Variants in EIF4ENIF1 observed in about 807,000 individuals in gnomAD.
The protein encoded by EIF4ENIF1 is eukaryotic translation initiation factor 4E nuclear import factor 1.
In EIF4ENIF1, 23 loss-of-function variants were observed where a neutral mutation model predicts 110.5. That is an observed-to-expected ratio of 0.21 (90% CI 0.15 to 0.29). EIF4ENIF1 has a LOEUF of 0.29. EIF4ENIF1 is among the 10% of genes least tolerant of loss of function. The pLI is 1.00. For missense variants in EIF4ENIF1, 1,031 were observed against 1,221.1 expected (o/e 0.84, Z 2.32); for synonymous variants, 440 against 437.0 (o/e 1.01, Z -0.09).
intron 4 of EIF4ENIF1, among the ~76,000 whole-genome samples, chr22:31,466,308 G>A (rs2051184062): frequency 6.6e-6 from 1 of 152,180 alleles, no homozygotes; most frequent in Non-Finnish European, 1.5e-5. Flanking sequence ...AGCTACTTGG[G>A]AGGCTGAGGC....
In EIF4ENIF1 at chr22:31,444,708, A is replaced by T. The variant is rs2050406993; in HGVS notation, c.1989-18T>A. On this transcript the variant is annotated intron_variant, in intron 14 of 18. Transcript: ENST00000330125. ...GCTGTTGCCTGTGAACAAACCAATT[A>T]TCAGCATGAACCCCAATCTGCTTAA... The T allele has an allele frequency of 6.2e-7, 1 of 1,610,110 alleles. No homozygotes were observed. The highest frequency in any genetic ancestry group is 1.4e-5 in the African/African-American group (1 of 72,508).
downstream of EIF4ENIF1, among the ~76,000 whole-genome samples, chr22:31,439,044 AACTT>A (rs1283203768): frequency 2.0e-5 from 3 of 152,176 alleles, no homozygotes; most frequent in East Asian, 1.9e-4. Context: ...AGAAAAACTT[AACTT>A]ACTTAAACTT....
At chr22:31,486,190 A>G (rs2052015865) in intron 2 of EIF4ENIF1, among the ~76,000 whole-genome samples, 2 of 152,072 alleles carry the variant, frequency 1.3e-5, no homozygotes, top group Admixed American at 6.5e-5. Flanking sequence ...GAATCACTTG[A>G]ACCCCGGAGG....
chr22:31,493,396 G>A (rs987718704), upstream of EIF4ENIF1, among the ~76,000 whole-genome samples: 2 of 151,628 alleles, frequency 1.3e-5, no homozygotes, highest in Admixed American at 6.6e-5. Context: ...TGGCACAATC[G>A]GCTCACTCAA....
In EIF4ENIF1 at chr22:31,447,550, A is replaced by G. The variant is rs1416046348; in HGVS notation, c.1864T>C (p.Leu622=). The G allele has an allele frequency of 2.1e-5, 33 of 1,604,510 alleles. No homozygotes were observed. Among genetic ancestry groups the G allele is most frequent in the Non-Finnish European group, 2.8e-5 (33 of 1,173,800 alleles). ...PITAQMSQLE[L]QQAALEGLAL... is the part of the protein sequence containing the mutation. Reference sequence around the variant, plus strand: ...AGCCCTTCTAAAGCTGCCTGTTGCAACTCCAGCTGGCTCATCTGCTGAAAA... The same window carrying G: ...AGCCCTTCTAAAGCTGCCTGTTGCAGCTCCAGCTGGCTCATCTGCTGAAAA... Residue 622 remains leucine, a synonymous_variant, in exon 14 of 19, where the codon TTG becomes CTG. Coordinates refer to ENST00000330125, the MANE Select transcript of EIF4ENIF1 (RefSeq NM_019843.4).
At chr22:31,441,721 A>G (rs1460296356) in intron 17 of EIF4ENIF1, 53 bp downstream of exon 17, 155 of 1,450,374 alleles carry the variant, frequency 1.1e-4, no homozygotes, top group Admixed American at 5.8e-4. Flanking sequence ...AGTGCCAACA[A>G]TTGTCCCCTA....
intron 2 of EIF4ENIF1, among the ~76,000 whole-genome samples, chr22:31,477,235 A>G (rs1452141321): frequency 6.6e-6 from 1 of 151,910 alleles, no homozygotes; most frequent in Non-Finnish European, 1.5e-5. Context: ...ATGATGGCGC[A>G]TGCCTGTAAT....
At chr22:31,478,600 G>A (rs981198918) in intron 2 of EIF4ENIF1, among the ~76,000 whole-genome samples, 26 of 150,660 alleles carry the variant, frequency 1.7e-4, no homozygotes, top group Non-Finnish European at 3.5e-4. Flanking sequence ...GGCGGATCAC[G>A]AGGTCACGAG....
chr22:31,491,549 T>A (rs1333618382), upstream of EIF4ENIF1, among the ~76,000 whole-genome samples: 1 of 152,126 alleles, frequency 6.6e-6, no homozygotes, highest in African/African-American at 2.4e-5. Context: ...GAATTAAAGA[T>A]AACATTAAAA....
At chr22:31,481,582 A>G (rs2051817907) in intron 2 of EIF4ENIF1, among the ~76,000 whole-genome samples, 1 of 152,204 alleles carries the variant, frequency 6.6e-6, no homozygotes. Context: ...TCTGTACTGG[A>G]AAAAGGGACC....
At position 31,475,113 on chromosome 22, in the gene EIF4ENIF1, A is replaced by C. The variant is rs1383349671; in HGVS notation, c.97-3196T>G. Reference sequence around the variant, plus strand: ...AGGACTATATGATACTTCAGTTTTAAGACCAGGATATCAATCAGGCATTTG... The same window carrying C: ...AGGACTATATGATACTTCAGTTTTACGACCAGGATATCAATCAGGCATTTG... On this transcript the variant is annotated intron_variant, in intron 2 of 18. Transcript: ENST00000330125. 2.0e-5 allele frequency among the ~76,000 whole-genome samples: 3 copies of C among 152,360 alleles called. No homozygotes were observed. The East Asian group carries it at 5.8e-4, about 29-fold the overall frequency.
chr22:31,473,019 A>G lies in EIF4ENIF1; in HGVS notation c.97-1102T>C, dbSNP rs1177908029. 2.4e-4 allele frequency among the ~76,000 whole-genome samples: 36 copies of G among 148,180 alleles called. No homozygotes were observed. The Admixed American group carries it at 2.4e-3, about 10-fold the overall frequency. ...TCTGGTATCTATCATTCTATTCTCTATCTCCACGAAGCCAAGTTTTTTTGG... is the reference window on the plus strand; with the variant it reads ...TCTGGTATCTATCATTCTATTCTCTGTCTCCACGAAGCCAAGTTTTTTTGG... On this transcript the variant is annotated intron_variant, in intron 2 of 18. Transcript: ENST00000330125.
At position 31,468,699 on chromosome 22, in the gene EIF4ENIF1, AC is replaced by A. The variant is rs556539765; in HGVS notation, c.171-398del. Among the ~76,000 whole-genome samples, 20 of 152,186 alleles carry A rather than the reference AC, an allele frequency of 1.3e-4. No individual in the cohort carries two copies. In the South Asian group the frequency reaches 3.9e-3, roughly 30 times the overall value. On this transcript the variant is annotated intron_variant, in intron 3 of 18. Coordinates refer to ENST00000330125, the MANE Select transcript of EIF4ENIF1 (RefSeq NM_019843.4). The stretch of plus-strand genomic sequence containing the variant: ...TGTGAGCCACTACGCCCAGCCAGAA[AC>A]CCATTTCTAAAATAAAGCTTCATGA...
At chr22:31,464,675 C>CAAAAAAAAAAAAAAAAAAAA (rs770904708) in intron 4 of EIF4ENIF1, among the ~76,000 whole-genome samples, 2 of 30,916 alleles carry the variant, frequency 6.5e-5, no homozygotes, top group Non-Finnish European at 5.1e-5. Context: ...GATTCAGTCT[C>CAAAAAAAAAAAAAAAAAAAA]AAAAAAAAAA....
chr22:31,462,826 G>C, intron 6 of EIF4ENIF1, 106 bp downstream of exon 6: 1 of 1,173,132 alleles, frequency 8.5e-7, no homozygotes, highest in Non-Finnish European at 1.2e-6. Flanking sequence ...CAGGTGATCC[G>C]CCCACCTCGG....
At chr22:31,490,747 C>T (rs979246849), upstream of EIF4ENIF1, among the ~76,000 whole-genome samples, 10 of 152,144 alleles carry the variant, frequency 6.6e-5, no homozygotes, top group East Asian at 1.9e-4. Context: ...GTCCTATGTG[C>T]TGGAATACCA....
intron 6 of EIF4ENIF1, among the ~76,000 whole-genome samples, chr22:31,461,087 GGTA>G (rs1309509003): frequency 3.3e-5 from 5 of 152,184 alleles, no homozygotes; most frequent in Non-Finnish European, 5.9e-5. Context: ...AGTTCTGATG[GGTA>G]CATGTGTTCT....
chr22:31,483,996 A>G (rs975889835), intron 2 of EIF4ENIF1, among the ~76,000 whole-genome samples: 5 of 152,184 alleles, frequency 3.3e-5, no homozygotes, highest in African/African-American at 4.8e-5. Flanking sequence ...AGGTCCTAAA[A>G]TATTCTTCGA....
chr22:31,470,325 G>A (rs1286695979), intron 3 of EIF4ENIF1, among the ~76,000 whole-genome samples: 1 of 151,776 alleles, frequency 6.6e-6, no homozygotes, highest in African/African-American at 2.4e-5. Flanking sequence ...CTGTTGCCCA[G>A]GCTGCAGTGC....
Sources: allele counts gnomAD v4.1 joint callset (sites outside exome capture counted in the v4.1 genomes callset), GRCh38; gene constraint gnomAD v4.1.1; transcripts MANE v1.5; gene names NCBI Gene and HGNC (gene_info 2026-07-23, HGNC 2026-07-21).